The following KIAA0408 variants were observed in gnomAD, a reference collection of about 807,000 sequenced individuals.
KIAA0408 encodes the protein uncharacterized protein KIAA0408.
KIAA0408 carries 51 observed loss-of-function variants against 60.9 expected under a neutral mutation model. That is an observed-to-expected ratio of 0.84 (90% confidence interval 0.67 to 1.06). The LOEUF (loss-of-function observed/expected upper bound fraction) is 1.06. Ranked by LOEUF, KIAA0408 falls within the 50% of genes least tolerant of loss-of-function variation. The pLI, the probability that KIAA0408 is intolerant of heterozygous loss-of-function variation, is 0.00. For synonymous variants in KIAA0408, 304 were observed against 282.4 expected, an observed-to-expected ratio of 1.08 and a Z score of -0.77; for missense variants, 787 against 833.9, an observed-to-expected ratio of 0.94 and a Z score of 0.69.
chr6:127,459,103 T>C (rs1180480220), intron 1 of KIAA0408, 72 bp downstream of exon 1: 3 of 152,196 alleles, frequency 2.0e-5, no homozygotes, highest in Non-Finnish European at 2.9e-5. Flanking sequence ...GTTTAAAACA[T>C]CTCAACAGCA....
At chr6:127,455,190 A>G (rs1773371782) in intron 1 of KIAA0408, among the ~76,000 whole-genome samples, 2 of 152,274 alleles carry the variant, frequency 1.3e-5, no homozygotes, top group South Asian at 4.1e-4. Flanking sequence ...AAAATGTTTG[A>G]ATCTCTGTTT....
At position 127,444,010 on chromosome 6, in the gene KIAA0408, G is replaced by C. The variant is rs543905357; in HGVS notation, c.*99C>G. 3.9e-6 allele frequency: 4 copies of C among 1,014,688 alleles called. No individual in the cohort carries two copies. The South Asian group carries it at 6.1e-5, about 16-fold the overall frequency. 62.9% of individuals were successfully genotyped at this position (1,014,688 alleles called of 1,614,324 possible). ...CTGATGGAAAGTTAAGATTCAAATT[G>C]CTTGTCGGAAGAGAACAGGTCCGCC... On this transcript the variant is annotated 3_prime_UTR_variant, in exon 6 of 6. Transcript: ENST00000483725.
rs554593867 is a variant in KIAA0408, at chr6:127,441,161, G to A, written c.*2948C>T. 6.6e-6 allele frequency: 1 copy of A among 152,346 alleles called. No homozygotes were observed. Among genetic ancestry groups the A allele is most frequent in the Admixed American group, 6.5e-5 (1 of 15,274 alleles). 9.4% of individuals were successfully genotyped at this position (152,346 alleles called of 1,614,324 possible). A position where few individuals can be genotyped will look rare whatever the true frequency, so the allele number is the denominator to read the frequency against. ...TAACTTTAAAGATCTTTGTAGGGAA[G>A]CAGAAACTCTTAAGTCCAGATGTTT... is the stretch of plus-strand genomic sequence containing the variant. On this transcript the variant is annotated 3_prime_UTR_variant, in exon 6 of 6. Transcript: ENST00000483725.
At chr6:127,451,196 ACT>A (rs1773296836) in intron 2 of KIAA0408, 4 of 415,264 alleles carry the variant, frequency 9.6e-6, no homozygotes, top group African/African-American at 6.3e-5. Flanking sequence ...AAAGCAAATG[ACT>A]CTATGTTTAA....
At chr6:127,455,550 A>T (rs1773377659) in intron 1 of KIAA0408, among the ~76,000 whole-genome samples, 2 of 152,140 alleles carry the variant, frequency 1.3e-5, no homozygotes, top group South Asian at 4.1e-4. Flanking sequence ...AGAAATGAAA[A>T]ATGTTAGCTA....
In KIAA0408 at chr6:127,447,522, G is replaced by C. The variant is rs1423397871; in HGVS notation, c.797C>G (p.Pro266Arg). The change falls in exon 5 of 6, where the codon CCA becomes CGA. Residue 266 changes from proline to arginine, a missense_variant. Pro to Arg is a moderately radical substitution (Grantham distance 103). Around this residue, in one of 3 missense-constraint regions of KIAA0408, gnomAD observed 640 missense variants for 681.3 expected, o/e 0.94. Transcript: ENST00000483725. Reference sequence around the variant, plus strand: ...AGAGGTGCTTCTTGGAGGAGGAACTGGTGGAGTTTCATTTCTTTTTAAATC... The same window carrying C: ...AGAGGTGCTTCTTGGAGGAGGAACTCGTGGAGTTTCATTTCTTTTTAAATC... ...TIDLKRNETP[P>R]VPPPRSTSRN... 2 of 1,610,418 alleles carry C rather than the reference G, an allele frequency of 1.2e-6. No homozygotes were observed. The highest frequency in any genetic ancestry group is 1.7e-6 in the Non-Finnish European group (2 of 1,179,064).
At position 127,447,420 on chromosome 6, in the gene KIAA0408, G is replaced by A. The variant is rs773045039; in HGVS notation, c.899C>T (p.Pro300Leu). 6 of 1,613,608 alleles carry A rather than the reference G, an allele frequency of 3.7e-6. No homozygotes were observed. The highest frequency in any genetic ancestry group is 1.6e-4 in the Middle Eastern group (1 of 6,078). Residue 300 changes from proline to leucine, a missense_variant, in exon 5 of 6, where the codon CCC becomes CTC. This residue lies in a region of KIAA0408 where 640 missense variants were observed against 681.3 expected (regional missense o/e 0.94). Transcript: ENST00000483725. ...ATTCCTTTTACTTCGACCCTCATGG[G>A]GCACCCAGCTGTTGTGGTCTAACCT... ...KERLDHNSWVPHEGRSKRNYN... is the reference protein window; with the variant it reads ...KERLDHNSWVLHEGRSKRNYN...
rs1355288388 is a variant in KIAA0408 at position 127,443,084 on chromosome 6, T to C, written c.*1025A>G. The stretch of plus-strand genomic sequence containing the variant: ...GTTAGTAAAAAAGTAACTTAGTTTG[T>C]TATCTATTAATTTTAAGGAAAAGAT... On this transcript the variant is annotated 3_prime_UTR_variant, in exon 6 of 6. Transcript: ENST00000483725. 6.6e-6 allele frequency: 1 copy of C among 152,162 alleles called. No individual in the cohort carries two copies. Among genetic ancestry groups the C allele is most frequent in the Non-Finnish European group, 1.5e-5 (1 of 68,010 alleles). 9.4% of individuals were successfully genotyped at this position (152,162 alleles called of 1,614,324 possible). A position where few individuals can be genotyped will look rare whatever the true frequency, so the allele number is the denominator to read the frequency against.
chr6:127,458,362 G>A (rs1773431217), intron 1 of KIAA0408, among the ~76,000 whole-genome samples: 1 of 152,106 alleles, frequency 6.6e-6, no homozygotes, highest in African/African-American at 2.4e-5. Context: ...TCATTGCTGT[G>A]TATTGCTGAT....
At chr6:127,444,950 GA>G (rs3215599) in intron 5 of KIAA0408, among the ~76,000 whole-genome samples, 15,329 of 150,920 alleles carry the variant, frequency 0.1, 2,021 homozygotes, top group East Asian at 0.65. Flanking sequence ...TATTTTAATG[GA>G]AAAAAAGCAT....
At chr6:127,453,246 G>A (rs774427368) in intron 2 of KIAA0408, among the ~76,000 whole-genome samples, 37 of 151,966 alleles carry the variant, frequency 2.4e-4, no homozygotes, top group Non-Finnish European at 4.1e-4. Context: ...GAGGGTTAAC[G>A]GGAACAAAAT....
At position 127,447,241 on chromosome 6, in the gene KIAA0408, T is replaced by A. The variant is rs531159220; in HGVS notation, c.1078A>T (p.Met360Leu). 1.1e-4 allele frequency: 178 copies of A among 1,613,774 alleles called. No individual in the cohort carries two copies. In the Middle Eastern group the frequency reaches 1.2e-3, roughly 10 times the overall value. ...PPSNEDVGLS[M>L]WSCDIGIGAK... ...CCTATCCCAATGTCACATGACCACA[T>A]GCTAAGTCCAACATCTTCATTACTT... Residue 360 changes from methionine to leucine, a missense_variant, in exon 5 of 6, where the codon ATG becomes TTG. Transcript: ENST00000483725.
At chr6:127,451,258 G>T (rs1276909926) in intron 2 of KIAA0408, 1 of 454,618 alleles carries the variant, frequency 2.2e-6, no homozygotes, top group African/African-American at 2.0e-5. Context: ...TAATATAATA[G>T]ATTTATTGCT....
chr6:127,448,440 A>G (rs1773242578), intron 4 of KIAA0408, among the ~76,000 whole-genome samples: 1 of 152,152 alleles, frequency 6.6e-6, no homozygotes, highest in South Asian at 2.1e-4. Context: ...GTCAAATTGT[A>G]ATGTCTTTGA....
In KIAA0408 at chr6:127,441,889, A is replaced by C. The variant is rs1056814873; in HGVS notation, c.*2220T>G. 6 of 152,204 alleles carry C rather than the reference A, an allele frequency of 3.9e-5. No individual in the cohort carries two copies. Among genetic ancestry groups the C allele is most frequent in the African/African-American group, 1.4e-4 (6 of 41,454 alleles). 9.4% of individuals were successfully genotyped at this position (152,204 alleles called of 1,614,324 possible). A position where few individuals can be genotyped will look rare whatever the true frequency, so the allele number is the denominator to read the frequency against. On this transcript the variant is annotated 3_prime_UTR_variant, in exon 6 of 6. Transcript: ENST00000483725. ...AACTATAATTTTAGTCAACATAAGA[A>C]GACGTTAAAATGTGTCCCACTGGTT... is the stretch of plus-strand genomic sequence containing the variant.
At position 127,439,473 on chromosome 6, in the gene KIAA0408, A is replaced by G. The variant is rs1027976790; in HGVS notation, c.*4636T>C. 6.6e-6 allele frequency: 1 copy of G among 152,222 alleles called. No individual in the cohort carries two copies. The highest frequency in any genetic ancestry group is 1.5e-5 in the Non-Finnish European group (1 of 68,032). The allele number at this position is 152,222 out of a possible 1,614,324, so 9.4% of individuals were successfully genotyped here. A position where few individuals can be genotyped will look rare whatever the true frequency, so the allele number is the denominator to read the frequency against. ...CCTTGTTCACAACTTCTTGAATTTCATAAAACCATTTAAGTCAGGGGTGAT... is the reference window on the plus strand; with the variant it reads ...CCTTGTTCACAACTTCTTGAATTTCGTAAAACCATTTAAGTCAGGGGTGAT... On this transcript the variant is annotated 3_prime_UTR_variant, in exon 6 of 6. Coordinates refer to ENST00000483725, the MANE Select transcript of KIAA0408 (RefSeq NM_014702.5).
Position 127,447,675 on chromosome 6 carries a change from A to G in KIAA0408, c.644T>C (p.Met215Thr), listed in dbSNP as rs1445285589. 6.3e-7 allele frequency: 1 copy of G among 1,597,188 alleles called. No homozygotes were observed. The highest frequency in any genetic ancestry group is 1.4e-5 in the African/African-American group (1 of 73,532). The change falls in exon 5 of 6, where the codon ATG (methionine) becomes ACG (threonine). Residue 215 changes from methionine to threonine, a missense_variant. Physicochemically the swap from Met to Thr is moderately conservative, Grantham distance 81. Around this residue, in one of 3 missense-constraint regions of KIAA0408, gnomAD observed 640 missense variants for 681.3 expected, o/e 0.94. Coordinates refer to ENST00000483725, the MANE Select transcript of KIAA0408 (RefSeq NM_014702.5). ...NVTNIPHGDP[M>T]INNDQCILPI... ...AAGAATGCACTGGTCATTGTTGATC[A>G]TGGGGTCCCCATGAGGTATATTAGT...
chr6:127,444,256 A>G lies in KIAA0408; in HGVS notation c.1938T>C (p.His646=). The G allele has an allele frequency of 6.2e-7, 1 of 1,602,036 alleles. No individual in the cohort carries two copies. The highest frequency in any genetic ancestry group is 8.5e-7 in the Non-Finnish European group (1 of 1,174,950). The change falls in exon 6 of 6, where the codon CAT becomes CAC. Residue 646 remains histidine (H), a synonymous_variant. Coordinates refer to ENST00000483725, the MANE Select transcript of KIAA0408 (RefSeq NM_014702.5). ...TEESMSVNAS[H]GKGFSRPARP... The stretch of plus-strand genomic sequence containing the variant: ...TAGCAGGTCGGGAAAATCCTTTTCC[A>G]TGTGAGGCGTTCACTGACATGGATT...
rs775465481 is a variant in KIAA0408 at position 127,447,099 on chromosome 6, AC to A, written c.1219del (p.Val407Ter). The A allele has an allele frequency of 1.2e-6, 2 of 1,613,942 alleles. No individual in the cohort carries two copies. The highest frequency in any genetic ancestry group is 2.2e-5 in the South Asian group (2 of 91,086). On this transcript the variant is annotated frameshift_variant, in exon 5 of 6. Coordinates refer to ENST00000483725, the MANE Select transcript of KIAA0408 (RefSeq NM_014702.5). LOFTEE classifies it high-confidence loss of function. ...HPAKSHPDLH[V>X]SNDCSSSVAE... ...TACTGAGGAGCTACAGTCATTACTT[AC>A]ATGAAGATCAGGATGAGATTTAGCA...
Sources: allele counts gnomAD v4.1 joint callset (sites outside exome capture counted in the v4.1 genomes callset), GRCh38; gene constraint gnomAD v4.1.1; regional missense constraint gnomAD v4.1.1; transcripts MANE v1.5; gene names NCBI Gene and HGNC (gene_info 2026-07-23, HGNC 2026-07-21).